Variants in DYNC1I1 observed in about 807,000 individuals in gnomAD.
The protein encoded by DYNC1I1 is cytoplasmic dynein 1 intermediate chain 1.
Under a neutral mutation model 86.6 loss-of-function variants are expected in DYNC1I1, and 43 were observed. The ratio of observed to expected loss-of-function variants is 0.50; its 90% CI spans 0.39 to 0.64. The LOEUF is 0.64. Ranked by LOEUF, DYNC1I1 falls within the 30% of genes least tolerant of loss-of-function variation. The probability of loss-of-function intolerance (pLI) is 0.00; values close to 1 mark genes in which losing one functional copy is unlikely to be tolerated. For missense variants in DYNC1I1, 604 were observed against 788.8 expected (o/e 0.77, Z 2.81); for synonymous variants, 262 against 283.7 (o/e 0.92, Z 0.77).
intron 14 of DYNC1I1, among the ~76,000 whole-genome samples, chr7:96,047,418 A>G (rs1209791817): frequency 6.6e-6 from 1 of 152,206 alleles, no homozygotes; most frequent in Admixed American, 6.5e-5. Context: ...TATGAATGCA[A>G]TCTTGGACCT....
At chr7:95,978,605 CA>C (rs1253952954) in intron 7 of DYNC1I1, among the ~76,000 whole-genome samples, 2 of 152,154 alleles carry the variant, frequency 1.3e-5, no homozygotes, top group African/African-American at 4.8e-5. Flanking sequence ...ATTAGAAGCT[CA>C]TTTGATCTGT....
chr7:96,059,811 G>A (rs1001562571), intron 14 of DYNC1I1, among the ~76,000 whole-genome samples: 8 of 152,038 alleles, frequency 5.3e-5, no homozygotes, highest in African/African-American at 1.7e-4. Flanking sequence ...GTTTGTGTGA[G>A]GAACAGGACA....
intron 6 of DYNC1I1, among the ~76,000 whole-genome samples, chr7:95,938,037 C>T (rs867644300): frequency 6.6e-6 from 1 of 152,048 alleles, no homozygotes; most frequent in Admixed American, 6.6e-5. Flanking sequence ...CCACTTCTTC[C>T]TTTTGGTGCC....
At chr7:95,798,612 A>G (rs1481364141) in intron 1 of DYNC1I1, among the ~76,000 whole-genome samples, 1 of 152,214 alleles carries the variant, frequency 6.6e-6, no homozygotes, top group Non-Finnish European at 1.5e-5. Context: ...CTGGGCAGTG[A>G]TTTAAACCTC....
At chr7:95,777,838 C>T (rs1793884644) in intron 1 of DYNC1I1, among the ~76,000 whole-genome samples, 1 of 152,042 alleles carries the variant, frequency 6.6e-6, no homozygotes, top group Non-Finnish European at 1.5e-5. Context: ...AGTGCTCTTC[C>T]AACATTTTTT....
intron 16 of DYNC1I1, among the ~76,000 whole-genome samples, chr7:96,086,325 G>C (rs1468200670): frequency 2.0e-5 from 3 of 152,112 alleles, no homozygotes; most frequent in African/African-American, 7.2e-5. Flanking sequence ...ACCTCTTCCA[G>C]GGAAGATTTT....
Position 96,067,555 on chromosome 7 carries a change from G to A in DYNC1I1, c.1510-8502G>A, listed in dbSNP as rs935895439. On this transcript the variant is annotated intron_variant, in intron 14 of 16. Coordinates refer to ENST00000447467, the MANE Select transcript of DYNC1I1 (RefSeq NM_001135556.2). ...AAAGTCACCTCCAGACTTGGCCTGTGTTCATACTTCCTGTCCTTTTACCTC... is the reference window on the plus strand; with the variant it reads ...AAAGTCACCTCCAGACTTGGCCTGTATTCATACTTCCTGTCCTTTTACCTC... Among the ~76,000 whole-genome samples the A allele has an allele frequency of 2.7e-5, 4 of 150,446 alleles. No homozygotes were observed. In the South Asian group the frequency reaches 8.4e-4, roughly 31 times the overall value.
intron 5 of DYNC1I1, among the ~76,000 whole-genome samples, chr7:95,865,045 T>C (rs1287833534): frequency 6.6e-6 from 1 of 152,106 alleles, no homozygotes; most frequent in East Asian, 1.9e-4. Context: ...AATTTCTGAC[T>C]CAGTGGGTTG....
rs532544638 is a variant in DYNC1I1 at position 96,084,679 on chromosome 7, T to A, written c.1776+4191T>A. Among the ~76,000 whole-genome samples the A allele has an allele frequency of 2.6e-5, 4 of 152,174 alleles. No individual in the cohort carries two copies. In the South Asian group the frequency reaches 8.3e-4, roughly 32 times the overall value. On this transcript the variant is annotated intron_variant, in intron 16 of 16. Coordinates refer to ENST00000447467, the MANE Select transcript of DYNC1I1 (RefSeq NM_001135556.2). ...CTCAGGTGATCCACTCGCCTCGGCC[T>A]CCCAAAGTACTGAGATTACAGATTT...
chr7:95,899,410 A>G (rs1790976035), intron 6 of DYNC1I1, among the ~76,000 whole-genome samples: 1 of 151,952 alleles, frequency 6.6e-6, no homozygotes, highest in Admixed American at 6.6e-5. Context: ...TCTGTTGGTC[A>G]CTCTTGGGCT....
At chr7:95,986,226 G>T (rs1793590878) in intron 8 of DYNC1I1, among the ~76,000 whole-genome samples, 1 of 152,200 alleles carries the variant, frequency 6.6e-6, no homozygotes, top group African/African-American at 2.4e-5. Flanking sequence ...GCCAGCAGTT[G>T]AAGCAAATGA....
chr7:95,834,968 T>G (rs1349797278), intron 5 of DYNC1I1, among the ~76,000 whole-genome samples: 1 of 148,224 alleles, frequency 6.7e-6, no homozygotes, highest in Non-Finnish European at 1.5e-5. Context: ...TGTCTCTATT[T>G]CCTTCAGTTC....
chr7:95,883,255 G>A (rs902522703), intron 6 of DYNC1I1, among the ~76,000 whole-genome samples: 1 of 152,112 alleles, frequency 6.6e-6, no homozygotes. Flanking sequence ...ATGTGTCCCT[G>A]TGTGAGAAAT....
intron 1 of DYNC1I1, among the ~76,000 whole-genome samples, chr7:95,779,103 T>G (rs1385439373): frequency 6.6e-6 from 1 of 152,220 alleles, no homozygotes; most frequent in Non-Finnish European, 1.5e-5. Flanking sequence ...TTGGGACTGC[T>G]GCTGAACATG....
chr7:96,009,429 G>A (rs1173449378), intron 10 of DYNC1I1, among the ~76,000 whole-genome samples: 1 of 152,186 alleles, frequency 6.6e-6, no homozygotes, highest in East Asian at 1.9e-4. Context: ...TGCTGATGAT[G>A]CTCTAGACCC....
intron 1 of DYNC1I1, among the ~76,000 whole-genome samples, chr7:95,779,839 T>G (rs1793940376): frequency 6.6e-6 from 1 of 152,230 alleles, no homozygotes; most frequent in South Asian, 2.1e-4. Flanking sequence ...GCGCCCATTT[T>G]GTGTCTGTGC....
intron 6 of DYNC1I1, among the ~76,000 whole-genome samples, chr7:95,908,449 T>G (rs915248331): frequency 3.3e-5 from 5 of 152,144 alleles, no homozygotes; most frequent in African/African-American, 4.8e-5. Context: ...AGGAAAATAA[T>G]GCAGCCTTTT....
At chr7:96,096,156 A>G (rs779238096) in intron 16 of DYNC1I1, among the ~76,000 whole-genome samples, 12 of 152,148 alleles carry the variant, frequency 7.9e-5, no homozygotes, top group Admixed American at 2.0e-4. Context: ...TACTTTGCAC[A>G]ATGAAGTTGC....
At chr7:95,826,218 C>T (rs1795199785) in intron 4 of DYNC1I1, among the ~76,000 whole-genome samples, 1 of 152,194 alleles carries the variant, frequency 6.6e-6, no homozygotes, top group Non-Finnish European at 1.5e-5. Flanking sequence ...GTTAGTGTCT[C>T]ATTGGACTTC....
Sources: gnomAD v4.1 joint callset for allele counts (sites outside exome capture counted in the v4.1 genomes callset) on GRCh38, gnomAD v4.1.1 for gene constraint, MANE v1.5 for transcripts, NCBI Gene and HGNC (gene_info 2026-07-23, HGNC 2026-07-21) for gene names.